The following TMEM132D variants were observed in gnomAD, a reference collection of about 807,000 sequenced individuals.
The protein encoded by TMEM132D is transmembrane protein 132D.
Under a neutral mutation model 62.3 loss-of-function variants are expected in TMEM132D, and 21 were observed. The ratio of observed to expected loss-of-function variants is 0.34; its 90% CI spans 0.24 to 0.49. The LOEUF is 0.49. Among genes scored for constraint, TMEM132D ranks in the 20% least tolerant of loss-of-function variants. The probability of loss-of-function intolerance (pLI) is 0.99; values close to 1 mark genes in which losing one functional copy is unlikely to be tolerated. For missense variants in TMEM132D, 1,346 were observed against 1,402.8 expected (o/e 0.96, Z 0.65); for synonymous variants, 621 against 575.6 (o/e 1.08, Z -1.13).
intron 3 of TMEM132D, among the ~76,000 whole-genome samples, chr12:129,403,022 A>C (rs914379671): frequency 1.3e-5 from 2 of 152,102 alleles, no homozygotes; most frequent in Non-Finnish European, 2.9e-5. Flanking sequence ...GCCACTGAAG[A>C]AGACTCCACT....
chr12:129,743,804 A>T (rs1483964144), intron 1 of TMEM132D, among the ~76,000 whole-genome samples: 1 of 152,174 alleles, frequency 6.6e-6, no homozygotes, highest in Non-Finnish European at 1.5e-5. Context: ...GAAAGAGGGG[A>T]CATCATAATG....
At chr12:129,302,474 C>T (rs1364877029) in intron 4 of TMEM132D, among the ~76,000 whole-genome samples, 2 of 152,244 alleles carry the variant, frequency 1.3e-5, no homozygotes, top group African/African-American at 4.8e-5. Flanking sequence ...CATTAGGCAG[C>T]CCCTGGCACA....
intron 5 of TMEM132D, among the ~76,000 whole-genome samples, chr12:129,087,896 T>C (rs1874680102): frequency 7.5e-6 from 1 of 132,906 alleles, no homozygotes; most frequent in Non-Finnish European, 1.6e-5. Context: ...GACCGGGGTG[T>C]CCTCCCTGAC....
intron 7 of TMEM132D, among the ~76,000 whole-genome samples, chr12:129,080,354 A>G (rs546250056): frequency 6.6e-6 from 1 of 152,310 alleles, no homozygotes; most frequent in African/African-American, 2.4e-5. Context: ...TAACACTCAG[A>G]GGAAAATCAG....
intron 2 of TMEM132D, among the ~76,000 whole-genome samples, chr12:129,548,639 C>T (rs1464949872): frequency 6.6e-6 from 1 of 152,166 alleles, no homozygotes; most frequent in East Asian, 1.9e-4. Flanking sequence ...CCTGCTGAAA[C>T]TTACAGAGCT....
intron 1 of TMEM132D, among the ~76,000 whole-genome samples, chr12:129,787,976 G>T (rs1023250586): frequency 6.6e-6 from 1 of 152,150 alleles, no homozygotes; most frequent in Non-Finnish European, 1.5e-5. Context: ...CAGAAGAGAC[G>T]GTTAAACCTC....
chr12:129,164,669 A>T (rs1188565529), intron 5 of TMEM132D, among the ~76,000 whole-genome samples: 1 of 152,206 alleles, frequency 6.6e-6, no homozygotes, highest in Non-Finnish European at 1.5e-5. Context: ...AGGCGGCAGG[A>T]AGAAGTGCTG....
intron 3 of TMEM132D, among the ~76,000 whole-genome samples, chr12:129,516,713 CT>C (rs1319440566): frequency 1.3e-5 from 2 of 152,136 alleles, no homozygotes; most frequent in Non-Finnish European, 2.9e-5. Context: ...CAGAACTGAA[CT>C]AAGGGGATGT....
At chr12:129,195,006 A>T (rs1206328852) in intron 5 of TMEM132D, among the ~76,000 whole-genome samples, 1 of 152,218 alleles carries the variant, frequency 6.6e-6, no homozygotes, top group Admixed American at 6.5e-5. Context: ...ATAAGTAATG[A>T]TCAAAACCAA....
chr12:129,680,898 G>A (rs751414676), intron 2 of TMEM132D, among the ~76,000 whole-genome samples: 25 of 152,200 alleles, frequency 1.6e-4, no homozygotes, highest in Non-Finnish European at 2.8e-4. Flanking sequence ...CCTGGTGGGA[G>A]CTGGACCCAC....
At chr12:129,636,752 G>GAGAGAC (rs1160320076) in intron 2 of TMEM132D, among the ~76,000 whole-genome samples, 2 of 150,700 alleles carry the variant, frequency 1.3e-5, no homozygotes, top group Non-Finnish European at 3.0e-5. Context: ...GAGAGAGAGA[G>GAGAGAC]AGAGACAGAG....
chr12:129,216,258 G>C (rs1329573321), intron 4 of TMEM132D, among the ~76,000 whole-genome samples: 1 of 152,190 alleles, frequency 6.6e-6, no homozygotes, highest in Non-Finnish European at 1.5e-5. Context: ...ACTAATAAAT[G>C]CCCTCCCAAA....
chr12:129,323,548 C>G (rs1163361750), intron 4 of TMEM132D, among the ~76,000 whole-genome samples: 1 of 152,156 alleles, frequency 6.6e-6, no homozygotes, highest in African/African-American at 2.4e-5. Flanking sequence ...GTAGCCTGGC[C>G]TGGAGCTTAA....
intron 1 of TMEM132D, among the ~76,000 whole-genome samples, chr12:129,890,977 A>C (rs1370864542): frequency 6.6e-6 from 1 of 152,164 alleles, no homozygotes; most frequent in Non-Finnish European, 1.5e-5. Context: ...CATGGAGGTC[A>C]CCGAATCAGG....
intron 2 of TMEM132D, among the ~76,000 whole-genome samples, chr12:129,679,672 G>A (rs910613743): frequency 6.6e-6 from 1 of 151,020 alleles, no homozygotes; most frequent in Non-Finnish European, 1.5e-5. Context: ...GTTTTTCTTT[G>A]GCACTGTTTT....
chr12:129,497,664 T>C (rs1353845904), intron 3 of TMEM132D, among the ~76,000 whole-genome samples: 1 of 152,104 alleles, frequency 6.6e-6, no homozygotes, highest in African/African-American at 2.4e-5. Context: ...TGTTATTTGA[T>C]TTTGTTTTTT....
At chr12:129,383,724 C>T (rs917991803) in intron 3 of TMEM132D, among the ~76,000 whole-genome samples, 3 of 152,214 alleles carry the variant, frequency 2.0e-5, no homozygotes, top group African/African-American at 7.2e-5. Flanking sequence ...TAGGTGTGAG[C>T]CACCATGCCT....
chr12:129,613,164 A>C (rs1261601016), intron 2 of TMEM132D, among the ~76,000 whole-genome samples: 2 of 152,154 alleles, frequency 1.3e-5, no homozygotes, highest in African/African-American at 2.4e-5. Flanking sequence ...ATTTCAGGAA[A>C]CAGCTCACCC....
chr12:129,899,314 T>A (rs1209869885), intron 1 of TMEM132D, among the ~76,000 whole-genome samples: 1 of 86,104 alleles, frequency 1.2e-5, no homozygotes, highest in African/African-American at 3.7e-5. Flanking sequence ...CATGGATGGA[T>A]GGATGGATGG....
Sources: gnomAD v4.1 joint callset for allele counts (sites outside exome capture counted in the v4.1 genomes callset) on GRCh38, gnomAD v4.1.1 for gene constraint, MANE v1.5 for transcripts, NCBI Gene and HGNC (gene_info 2026-07-23, HGNC 2026-07-21) for gene names.